CFAP141: variants seen among roughly 807,000 people sequenced by gnomAD.
The protein encoded by CFAP141 is cilia and flagella associated protein 141, also known as cilia- and flagella-associated protein 141.
At chr1:154,199,660 G>A in the CFAP141 span, 4 of 632,392 alleles carry the variant, frequency 6.3e-6, no homozygotes, top group Non-Finnish European at 8.2e-6. Flanking sequence ...AAAGCTGGGT[G>A]GTAGCAGAGA....
the CFAP141 span, chr1:154,200,625 G>C: frequency 3.2e-5 from 52 of 1,611,634 alleles, no homozygotes; most frequent in Admixed American, 4.7e-4. Context: ...GAATGGGTGG[G>C]TTAGAGTTAG....
the CFAP141 span, among the ~76,000 whole-genome samples, chr1:154,202,596 C>T: frequency 0.031 from 4,574 of 149,220 alleles, 220 homozygotes; most frequent in African/African-American, 0.1. Flanking sequence ...GTCAGGAGAT[C>T]GAGACCATCC....
At chr1:154,205,589 G>C in the CFAP141 span, 6 of 1,613,116 alleles carry the variant, frequency 3.7e-6, no homozygotes, top group Admixed American at 1.0e-4. Flanking sequence ...GGGGATAGAA[G>C]CAGATTACCT....
chr1:154,204,355 T>TA, the CFAP141 span, among the ~76,000 whole-genome samples: 7 of 152,132 alleles, frequency 4.6e-5, no homozygotes, highest in Non-Finnish European at 8.8e-5. Context: ...CGTGAAACCT[T>TA]AAAAAAAGGC....
At chr1:154,202,053 C>G in the CFAP141 span, among the ~76,000 whole-genome samples, 8 of 152,026 alleles carry the variant, frequency 5.3e-5, no homozygotes, top group Non-Finnish European at 1.2e-4. Context: ...TCTCCTGCCT[C>G]AGACTCCTGA....
the CFAP141 span, among the ~76,000 whole-genome samples, chr1:154,200,102 T>C: frequency 2.0e-5 from 3 of 152,318 alleles, no homozygotes; most frequent in South Asian, 6.2e-4. Context: ...CTTGAACTCC[T>C]GGGCTCAAGC....
the CFAP141 span, among the ~76,000 whole-genome samples, chr1:154,203,224 T>C: frequency 1.2e-5 from 1 of 82,874 alleles, no homozygotes; most frequent in South Asian, 3.9e-4. Flanking sequence ...TATATATATA[T>C]ATATATATAT....
chr1:154,202,529 G>A, the CFAP141 span, among the ~76,000 whole-genome samples: 289 of 152,280 alleles, frequency 1.9e-3, 1 homozygote, highest in Non-Finnish European at 2.4e-3. Flanking sequence ...GGCCGGCCGC[G>A]GTGACTCATG....
At chr1:154,204,803 C>A in the CFAP141 span, among the ~76,000 whole-genome samples, 2 of 151,906 alleles carry the variant, frequency 1.3e-5, no homozygotes, top group Non-Finnish European at 2.9e-5. Context: ...CTCAAGCAAT[C>A]CCCCTGCCTC....
the CFAP141 span, chr1:154,206,207 A>C: frequency 3.5e-6 from 5 of 1,431,836 alleles, no homozygotes; most frequent in Middle Eastern, 5.3e-4. Flanking sequence ...TAAAAGATGC[A>C]CTTATAGTAA....
the CFAP141 span, among the ~76,000 whole-genome samples, chr1:154,202,527 G>A: frequency 2.0e-5 from 3 of 152,140 alleles, no homozygotes; most frequent in African/African-American, 4.8e-5. Flanking sequence ...GAGGCCGGCC[G>A]CGGTGACTCA....
the CFAP141 span, among the ~76,000 whole-genome samples, chr1:154,206,054 A>G: frequency 6.6e-6 from 1 of 152,134 alleles, no homozygotes; most frequent in African/African-American, 2.4e-5. Context: ...GGGAGAGGAA[A>G]GCTCTACTTT....
chr1:154,200,591 G>A, the CFAP141 span: 2 of 1,613,930 alleles, frequency 1.2e-6, no homozygotes, highest in Non-Finnish European at 1.7e-6. Flanking sequence ...TTCGCCACCT[G>A]CTCCAGGTAC....
chr1:154,201,461 C>T, the CFAP141 span, among the ~76,000 whole-genome samples: 2 of 151,270 alleles, frequency 1.3e-5, no homozygotes, highest in Non-Finnish European at 2.9e-5. Context: ...AATCTTGGCT[C>T]ACTGCAATCT....
chr1:154,204,725 C>T, the CFAP141 span, among the ~76,000 whole-genome samples: 1 of 145,638 alleles, frequency 6.9e-6, no homozygotes, highest in African/African-American at 2.6e-5. Flanking sequence ...CCACACCTAG[C>T]TAATTTTAAT....
At chr1:154,199,530 T>G in the CFAP141 span, 5 of 1,601,048 alleles carry the variant, frequency 3.1e-6, no homozygotes, top group African/African-American at 1.3e-5. Context: ...TTGACGGACC[T>G]GGTGGAGAGG....
the CFAP141 span, chr1:154,206,197 TAA>T: frequency 7.3e-7 from 1 of 1,364,040 alleles, no homozygotes; most frequent in African/African-American, 1.4e-5. Context: ...CCTTTCCCAG[TAA>T]AAGATGCACT....
At chr1:154,199,852 T>G in the CFAP141 span, among the ~76,000 whole-genome samples, 87 of 152,062 alleles carry the variant, frequency 5.7e-4, no homozygotes, top group Middle Eastern at 6.8e-3. Context: ...GAGAGGCAAG[T>G]GATACGCACT....
At chr1:154,205,249 C>A in the CFAP141 span, among the ~76,000 whole-genome samples, 4 of 152,210 alleles carry the variant, frequency 2.6e-5, no homozygotes, top group Admixed American at 2.6e-4. Flanking sequence ...TGAATCTTCT[C>A]ATTCACTGGT....
Sources: allele counts gnomAD v4.1 joint callset (sites outside exome capture counted in the v4.1 genomes callset), GRCh38; gene constraint gnomAD v4.1.1; transcripts MANE v1.5; gene names NCBI Gene and HGNC (gene_info 2026-07-23, HGNC 2026-07-21).